Variants in SVIL observed in about 807,000 individuals in gnomAD.
SVIL encodes the protein supervillin, also known as archvillin.
Under a neutral mutation model 240.4 loss-of-function variants are expected in SVIL, and 101 were observed. The ratio of observed to expected loss-of-function variants is 0.42; its 90% CI spans 0.36 to 0.50. The LOEUF is 0.50. SVIL is among the 20% of genes least tolerant of loss of function. SVIL has a pLI of 0.01. For synonymous variants in SVIL, 999 were observed against 1,100.0 expected (o/e 0.91, Z 1.82); for missense variants, 2,512 against 2,818.7 (o/e 0.89, Z 2.46).
chr10:29,531,831 T>C (rs1367627111), intron 9 of SVIL, among the ~76,000 whole-genome samples, 171 bp downstream of exon 9: 1 of 152,234 alleles, frequency 6.6e-6, no homozygotes, highest in Non-Finnish European at 1.5e-5. Flanking sequence ...AAGGCTAATA[T>C]TCTTTAAAAA....
chr10:29,583,450 C>T (rs943480126), intron 1 of SVIL, among the ~76,000 whole-genome samples: 10 of 152,162 alleles, frequency 6.6e-5, no homozygotes, highest in Admixed American at 5.2e-4. Context: ...CAGGGGCCCA[C>T]CACCACGCCT....
chr10:29,475,082 A>G (rs973942523), intron 29 of SVIL, among the ~76,000 whole-genome samples: 2 of 152,166 alleles, frequency 1.3e-5, no homozygotes, highest in Admixed American at 6.5e-5. Flanking sequence ...CTGGAGTGCA[A>G]TGGTGCAATC....
chr10:29,665,562 G>A (rs756129932), intron 2 of SVIL, among the ~76,000 whole-genome samples: 3 of 152,140 alleles, frequency 2.0e-5, no homozygotes, highest in African/African-American at 2.4e-5. Context: ...TTGGGAGGCC[G>A]AGGCTGGTGG....
At chr10:29,551,429 G>A (rs928441123) in intron 5 of SVIL, among the ~76,000 whole-genome samples, 166 bp from the exon 6 acceptor site, 1 of 152,238 alleles carries the variant, frequency 6.6e-6, no homozygotes, top group Non-Finnish European at 1.5e-5. Context: ...TACCTGGGCT[G>A]TTGAAGAAGT....
intron 1 of SVIL, among the ~76,000 whole-genome samples, chr10:29,691,432 C>T (rs1319475027): frequency 2.0e-5 from 3 of 152,122 alleles, no homozygotes; most frequent in Non-Finnish European, 2.9e-5. Flanking sequence ...AGGATGGTCT[C>T]GATCTCCTGA....
intron 17 of SVIL, among the ~76,000 whole-genome samples, chr10:29,506,850 C>T (rs541415092): frequency 5.3e-5 from 8 of 151,018 alleles, no homozygotes; most frequent in Non-Finnish European, 7.4e-5. Flanking sequence ...AGGGAAGGGA[C>T]AGAGGCCCTA....
intron 2 of SVIL, among the ~76,000 whole-genome samples, chr10:29,678,867 T>A (rs1008480795): frequency 6.6e-6 from 1 of 152,160 alleles, no homozygotes; most frequent in African/African-American, 2.4e-5. Flanking sequence ...TGCATGACCA[T>A]CTCCCAGCAT....
chr10:29,575,067 T>C (rs1470693895), intron 1 of SVIL, among the ~76,000 whole-genome samples: 1 of 152,242 alleles, frequency 6.6e-6, no homozygotes, highest in African/African-American at 2.4e-5. Context: ...GAATAAGATA[T>C]GGATGTGGCT....
chr10:29,600,374 A>G (rs1564688364), intron 1 of SVIL, among the ~76,000 whole-genome samples: 1 of 152,072 alleles, frequency 6.6e-6, no homozygotes, highest in Non-Finnish European at 1.5e-5. Flanking sequence ...CCTCCTAAGG[A>G]GTCTTAACCT....
At chr10:29,478,105 G>A (rs1205861897) in intron 29 of SVIL, among the ~76,000 whole-genome samples, 1 of 152,062 alleles carries the variant, frequency 6.6e-6, no homozygotes, top group Non-Finnish European at 1.5e-5. Context: ...GTTCTTTAAA[G>A]TTCCCAGTTC....
chr10:29,612,430 G>C (rs1957280869), intron 1 of SVIL, among the ~76,000 whole-genome samples: 2 of 152,190 alleles, frequency 1.3e-5, no homozygotes, highest in African/African-American at 2.4e-5. Context: ...GGAGTTGGAA[G>C]TGAGGCTTTT....
At chr10:29,683,187 G>A (rs1960800195) in intron 2 of SVIL, among the ~76,000 whole-genome samples, 1 of 152,148 alleles carries the variant, frequency 6.6e-6, no homozygotes, top group Admixed American at 6.5e-5. Flanking sequence ...GGGCTTCCAG[G>A]TCATAGATGG....
chr10:29,461,051 T>C (rs1442603655), intron 36 of SVIL, among the ~76,000 whole-genome samples: 1 of 152,190 alleles, frequency 6.6e-6, no homozygotes, highest in African/African-American at 2.4e-5. Flanking sequence ...TTCCCTGCTA[T>C]AAAAATCCCT....
intron 21 of SVIL, among the ~76,000 whole-genome samples, chr10:29,491,438 G>GACCAC (rs757232234): frequency 6.6e-6 from 1 of 152,114 alleles, no homozygotes; most frequent in African/African-American, 2.4e-5. Context: ...GAATTTGCAC[G>GACCAC]GGCTCCTTGA....
chr10:29,482,760 C>T (rs10826633), intron 27 of SVIL: 14,468 of 152,338 alleles, frequency 0.095, 870 homozygotes, highest in Non-Finnish European at 0.13. Flanking sequence ...TAGATAAAGG[C>T]AGAGCTGAGA....
chr10:29,469,951 G>A (rs1157610683), intron 32 of SVIL, among the ~76,000 whole-genome samples: 3 of 152,136 alleles, frequency 2.0e-5, no homozygotes, highest in African/African-American at 7.2e-5. Flanking sequence ...AATATCAAAG[G>A]CCCCCAGGCT....
chr10:29,498,155 C>T (rs533905755), intron 18 of SVIL, among the ~76,000 whole-genome samples: 4 of 141,742 alleles, frequency 2.8e-5, no homozygotes, highest in African/African-American at 7.8e-5. Flanking sequence ...CAGTGGTTCA[C>T]GCCTGTAATC....
intron 18 of SVIL, among the ~76,000 whole-genome samples, chr10:29,498,088 CAAAAA>C (rs34280398): frequency 2.4e-4 from 9 of 37,490 alleles, no homozygotes; most frequent in Admixed American, 9.9e-4. Context: ...TCCCCTCCAC[CAAAAA>C]AAAAAAAAAA....
intron 1 of SVIL, among the ~76,000 whole-genome samples, chr10:29,630,698 C>T (rs141840124): frequency 8.9e-4 from 136 of 152,078 alleles, no homozygotes; most frequent in African/African-American, 3.1e-3. Flanking sequence ...GAAACCCCAT[C>T]GGACTTGTTA....
Sources: gnomAD v4.1 joint callset for allele counts (sites outside exome capture counted in the v4.1 genomes callset) on GRCh38, gnomAD v4.1.1 for gene constraint, MANE v1.5 for transcripts, NCBI Gene and HGNC (gene_info 2026-07-23, HGNC 2026-07-21) for gene names.